Variants in PIK3C3 observed in about 807,000 individuals in gnomAD.
The protein encoded by PIK3C3 is phosphatidylinositol 3-kinase catalytic subunit type 3.
PIK3C3 carries 95 observed loss-of-function variants against 126.1 expected under a neutral mutation model. The ratio of observed to expected loss-of-function variants is 0.75; its 90% CI spans 0.64 to 0.89. PIK3C3 has a LOEUF of 0.89. PIK3C3 is among the 40% of genes least tolerant of loss of function. PIK3C3 has a pLI of 0.00. For synonymous variants in PIK3C3, 374 were observed against 360.0 expected (o/e 1.04, Z -0.44); for missense variants, 829 against 1,063.2 (o/e 0.78, Z 3.06).
chr18:42,078,204 C>T (rs1023035032), intron 24 of PIK3C3, among the ~76,000 whole-genome samples: 3 of 151,014 alleles, frequency 2.0e-5, no homozygotes, highest in Admixed American at 1.3e-4. Flanking sequence ...GGTGAAACCC[C>T]GTCTCTACTA....
chr18:41,990,591 G>T (rs1238139495), intron 6 of PIK3C3, 37 bp downstream of exon 6: 2 of 1,061,826 alleles, frequency 1.9e-6, no homozygotes. Context: ...CTCTAAAGTA[G>T]AGGGGAGAGG....
In PIK3C3 at chr18:42,083,176, C is replaced by T. The variant is rs1986309295; in HGVS notation, c.*2039C>T. On this transcript the variant is annotated 3_prime_UTR_variant, in exon 25 of 25. Coordinates refer to ENST00000262039, the MANE Select transcript of PIK3C3 (RefSeq NM_002647.4). ...CTTATCAATCTCAGTTTTTATTGCTCAAAGCAATTCTTTACTCCTATTTTT... is the reference window on the plus strand; with the variant it reads ...CTTATCAATCTCAGTTTTTATTGCTTAAAGCAATTCTTTACTCCTATTTTT... 1 of 152,132 alleles carries T rather than the reference C, an allele frequency of 6.6e-6. No individual in the cohort carries two copies. The highest frequency in any genetic ancestry group is 6.5e-5 in the Admixed American group (1 of 15,276). 9.4% of individuals were successfully genotyped at this position (152,132 alleles called of 1,614,324 possible). A position where few individuals can be genotyped will look rare whatever the true frequency, so the allele number is the denominator to read the frequency against.
Position 41,962,478 on chromosome 18 carries a change from C to T in PIK3C3, c.258-11C>T, listed in dbSNP as rs745532358. ...ATGTATTTCTGATTTATGTTAACTT[C>T]ATTTCCATAGCTGGAATGAATGGCT... is the stretch of plus-strand genomic sequence containing the variant. On this transcript the variant is annotated splice_polypyrimidine_tract_variant and intron_variant, in intron 2 of 24. Transcript: ENST00000262039. 1.9e-6 allele frequency: 3 copies of T among 1,597,860 alleles called. No individual in the cohort carries two copies. The highest frequency in any genetic ancestry group is 2.6e-6 in the Non-Finnish European group (3 of 1,171,602).
chr18:42,068,596 C>T (rs1985637707), intron 24 of PIK3C3, among the ~76,000 whole-genome samples: 3 of 151,946 alleles, frequency 2.0e-5, no homozygotes, highest in South Asian at 4.1e-4. Flanking sequence ...TTCTTTTTTT[C>T]CTTCCCCCCA....
intron 3 of PIK3C3, among the ~76,000 whole-genome samples, chr18:41,968,762 G>C (rs1255227387): frequency 2.0e-5 from 3 of 151,694 alleles, no homozygotes; most frequent in Non-Finnish European, 4.4e-5. Flanking sequence ...TTATAATAAT[G>C]ATTTGAAAAA....
intron 4 of PIK3C3, among the ~76,000 whole-genome samples, chr18:41,984,320 T>A (rs1981358535): frequency 6.6e-6 from 1 of 152,088 alleles, no homozygotes; most frequent in African/African-American, 2.4e-5. Flanking sequence ...AGAAGTTGCT[T>A]TGAACTGATG....
intron 7 of PIK3C3, among the ~76,000 whole-genome samples, chr18:41,994,478 G>A (rs979857604): frequency 2.0e-5 from 3 of 152,140 alleles, no homozygotes; most frequent in African/African-American, 7.2e-5. Flanking sequence ...ATATACAGCT[G>A]TATCTGACAA....
At chr18:41,964,586 G>C (rs533515692) in intron 3 of PIK3C3, among the ~76,000 whole-genome samples, 6 of 151,856 alleles carry the variant, frequency 4.0e-5, no homozygotes, top group Non-Finnish European at 7.4e-5. Context: ...TCCTTCCTGG[G>C]CTATTCTGTC....
In PIK3C3 at chr18:42,086,921, T is replaced by G. The variant is rs531463643; in HGVS notation, c.*5784T>G. 1 of 152,314 alleles carries G rather than the reference T, an allele frequency of 6.6e-6. No individual in the cohort carries two copies. Among genetic ancestry groups the G allele is most frequent in the African/African-American group, 2.4e-5 (1 of 41,568 alleles). 9.4% of individuals were successfully genotyped at this position (152,314 alleles called of 1,614,324 possible). On this transcript the variant is annotated 3_prime_UTR_variant, in exon 25 of 25. Coordinates refer to ENST00000262039, the MANE Select transcript of PIK3C3 (RefSeq NM_002647.4). ...CTCCCCTGAATTCTTCTGCAGGAGA[T>G]CCAAGAACCCTCTCTTGGAGTCTTA...
chr18:41,991,827 T>C (rs1981793271), intron 6 of PIK3C3, among the ~76,000 whole-genome samples: 2 of 152,200 alleles, frequency 1.3e-5, no homozygotes. Flanking sequence ...TTATTTAACA[T>C]TGTTTATTAA....
chr18:41,958,330 A>T (rs1479599169), intron 2 of PIK3C3, among the ~76,000 whole-genome samples: 2 of 152,110 alleles, frequency 1.3e-5, no homozygotes, highest in African/African-American at 4.8e-5. Context: ...TGACTTCTTG[A>T]CACTTCTTAT....
chr18:41,993,132 TAGA>T (rs1981859856), intron 6 of PIK3C3, 135 bp from the exon 7 acceptor site: 1 of 523,270 alleles, frequency 1.9e-6, no homozygotes, highest in African/African-American at 1.9e-5. Flanking sequence ...ATAATATTGT[TAGA>T]AGAAGATAAG....
chr18:42,011,936 C>T (rs1982844328), intron 10 of PIK3C3, among the ~76,000 whole-genome samples: 1 of 152,124 alleles, frequency 6.6e-6, no homozygotes, highest in Non-Finnish European at 1.5e-5. Context: ...AGTCAGAACA[C>T]ATTCAACATT....
At chr18:42,049,327 A>G in intron 20 of PIK3C3, 1 of 397,158 alleles carries the variant, frequency 2.5e-6, no homozygotes, top group Non-Finnish European at 4.5e-6. Context: ...ATTTAACAGA[A>G]TTCTACAAGA....
chr18:42,002,266 A>C (rs1283346390), intron 9 of PIK3C3, among the ~76,000 whole-genome samples: 1 of 152,182 alleles, frequency 6.6e-6, no homozygotes, highest in Non-Finnish European at 1.5e-5. Flanking sequence ...TGTTAATGTA[A>C]GTTAACTGGG....
intron 7 of PIK3C3, 103 bp downstream of exon 7, chr18:41,993,444 T>C: frequency 2.9e-6 from 2 of 692,760 alleles, no homozygotes; most frequent in Non-Finnish European, 2.5e-6. Context: ...TATAACTGCC[T>C]CCGTTACCTA....
chr18:42,043,533 A>G (rs755167462), intron 19 of PIK3C3, among the ~76,000 whole-genome samples, 200 bp from the exon 20 acceptor site: 1 of 152,086 alleles, frequency 6.6e-6, no homozygotes, highest in Non-Finnish European at 1.5e-5. Context: ...GTGGTGGGGG[A>G]CATTAAACAC....
At chr18:41,989,161 C>T (rs1325314795) in intron 5 of PIK3C3, among the ~76,000 whole-genome samples, 1 of 152,010 alleles carries the variant, frequency 6.6e-6, no homozygotes. Context: ...ATGCTTAGTG[C>T]AGCCACAAAC....
intron 10 of PIK3C3, among the ~76,000 whole-genome samples, chr18:42,010,831 G>A (rs1249544809): frequency 6.6e-6 from 1 of 152,150 alleles, no homozygotes; most frequent in African/African-American, 2.4e-5. Flanking sequence ...AGGAATCACT[G>A]TCTATGGAAG....
Sources: gnomAD v4.1 joint callset for allele counts (sites outside exome capture counted in the v4.1 genomes callset) on GRCh38, gnomAD v4.1.1 for gene constraint, MANE v1.5 for transcripts, NCBI Gene and HGNC (gene_info 2026-07-23, HGNC 2026-07-21) for gene names.